Variants in GRHL3 observed in about 807,000 individuals in gnomAD.
GRHL3 encodes grainyhead like transcription factor 3.
GRHL3 carries 20 observed loss-of-function variants against 70.3 expected under a neutral mutation model. That is an observed-to-expected ratio of 0.28 (90% confidence interval 0.20 to 0.41). GRHL3 has a LOEUF of 0.41. Ranked by LOEUF, GRHL3 falls within the 10% of genes least tolerant of loss-of-function variation. The pLI is 1.00. For synonymous variants in GRHL3, 299 were observed against 299.9 expected, an observed-to-expected ratio of 1.00 and a Z score of 0.03; for missense variants, 637 against 762.3, an observed-to-expected ratio of 0.84 and a Z score of 1.94.
At chr1:24,337,237 C>A in intron 5 of GRHL3, 86 bp downstream of exon 5, 1 of 880,908 alleles carries the variant, frequency 1.1e-6, no homozygotes, top group South Asian at 1.6e-5. Flanking sequence ...CAGAGCATAG[C>A]AGGCACAATC....
intron 5 of GRHL3, 149 bp downstream of exon 5, chr1:24,337,300 T>C (rs1267841477): frequency 1.6e-6 from 1 of 631,334 alleles, no homozygotes. Context: ...GACAGAATGA[T>C]TCCCACATCC....
intron 4 of GRHL3, 44 bp downstream of exon 4, chr1:24,336,871 G>A: frequency 7.0e-7 from 1 of 1,437,780 alleles, no homozygotes; most frequent in Non-Finnish European, 9.6e-7. Context: ...ATATGTGTGT[G>A]CATATACAGA....
chr1:24,350,199 C>A, intron 15 of GRHL3, 77 bp downstream of exon 15: 1 of 1,255,500 alleles, frequency 8.0e-7, no homozygotes, highest in Non-Finnish European at 1.1e-6. Context: ...TGTGGAGGGG[C>A]TGAGGGGATG....
chr1:24,325,436 TA>T (rs1451960138), intron 1 of GRHL3, among the ~76,000 whole-genome samples: 10 of 152,366 alleles, frequency 6.6e-5, no homozygotes, highest in Admixed American at 5.9e-4. Flanking sequence ...GTCTGCATCC[TA>T]AATTGCTAGG....
Position 24,332,791 on chromosome 1 carries a change from CTTTG to C in GRHL3, c.204+1184_204+1187del, listed in dbSNP as rs568691481. Among the ~76,000 whole-genome samples the C allele has an allele frequency of 1.2e-4, 18 of 152,330 alleles. No individual in the cohort carries two copies. The South Asian group carries it at 2.1e-3, about 18-fold the overall frequency. On this transcript the variant is annotated intron_variant, in intron 2 of 15. Transcript: ENST00000361548. ...TCTACCTCAAGAATAAAGGCAAATT[CTTTG>C]TTTGAACTGAGAGGCCAAGTGGGTT...
rs1569911426 is a variant in GRHL3 at position 24,346,444 on chromosome 1, C to T, written c.1455-109C>T. The T allele has an allele frequency of 5.7e-6, 4 of 696,884 alleles. No individual in the cohort carries two copies. The Admixed American group carries it at 6.6e-5, about 11-fold the overall frequency. 43.2% of individuals were successfully genotyped at this position (696,884 alleles called of 1,614,324 possible). ...CCACTGTCCCTCTGCTTTGCATCCA[C>T]CCTTGTGTTTTCTTCCCCATTTCTA... On this transcript the variant is annotated intron_variant, in intron 12 of 15. Transcript: ENST00000361548.
At chr1:24,348,146 C>T (rs893881590) in intron 14 of GRHL3, among the ~76,000 whole-genome samples, 2 of 152,180 alleles carry the variant, frequency 1.3e-5, no homozygotes, top group African/African-American at 4.8e-5. Context: ...CTCGGAAAAG[C>T]CAGATGGTGT....
At chr1:24,324,470 A>T (rs1444594032) in intron 1 of GRHL3, among the ~76,000 whole-genome samples, 22 of 152,216 alleles carry the variant, frequency 1.4e-4, no homozygotes, top group Admixed American at 1.4e-3. Context: ...CTACCCCACA[A>T]AGTATTAGTA....
At chr1:24,339,900 G>A (rs147546352) in intron 8 of GRHL3, 138 bp downstream of exon 8, 1 of 529,350 alleles carries the variant, frequency 1.9e-6, no homozygotes, top group Non-Finnish European at 3.3e-6. Context: ...ATGCAGTGTA[G>A]TATGGAAGCT....
At chr1:24,319,624 T>A in intron 1 of GRHL3, 56 bp downstream of exon 1, 1 of 1,613,150 alleles carries the variant, frequency 6.2e-7, no homozygotes, top group Non-Finnish European at 8.5e-7. Context: ...CTGGATGGGG[T>A]TTCCTGGAGG....
At position 24,354,766 on chromosome 1, in the gene GRHL3, C is replaced by T; in HGVS notation, c.*278C>T. ...CAATGTCACCATGGTTACCACCTAC[C>T]CAGAAGACTGTTCCCTCCTCCCAAG... is the stretch of plus-strand genomic sequence containing the variant. On this transcript the variant is annotated 3_prime_UTR_variant, in exon 16 of 16. Coordinates refer to ENST00000361548, the MANE Select transcript of GRHL3 (RefSeq NM_198173.3). The T allele has an allele frequency of 3.1e-6, 1 of 325,526 alleles. No homozygotes were observed. Among genetic ancestry groups the T allele is most frequent in the Non-Finnish European group, 5.8e-6 (1 of 171,690 alleles). The allele number at this position is 325,526 out of a possible 1,614,324, so 20.2% of individuals were successfully genotyped here.
intron 14 of GRHL3, among the ~76,000 whole-genome samples, chr1:24,348,311 G>A (rs574442492): frequency 1.3e-5 from 2 of 152,152 alleles, no homozygotes; most frequent in Non-Finnish European, 2.9e-5. Flanking sequence ...GGTACTATTC[G>A]TATCTCCTCA....
In GRHL3 at chr1:24,334,624, C is replaced by T. The variant is rs1639726799; in HGVS notation, c.205-21C>T. 6.2e-7 allele frequency: 1 copy of T among 1,604,330 alleles called. No individual in the cohort carries two copies. The highest frequency in any genetic ancestry group is 8.5e-7 in the Non-Finnish European group (1 of 1,174,114). On this transcript the variant is annotated intron_variant, in intron 2 of 15. Coordinates refer to ENST00000361548, the MANE Select transcript of GRHL3 (RefSeq NM_198173.3). This position sits in a 1 kb window ranked among gnomAD's most constrained non-coding sequence, Gnocchi z 4.3. ...AGCAGAAGCTTAGCCATGCATAAATCCTTCCTTTCTCTCTTCTCAGGGTCC... is the reference window on the plus strand; with the variant it reads ...AGCAGAAGCTTAGCCATGCATAAATTCTTCCTTTCTCTCTTCTCAGGGTCC...
intron 11 of GRHL3, chr1:24,343,352 CTGTGTG>C: frequency 3.3e-6 from 1 of 306,498 alleles, no homozygotes; most frequent in Non-Finnish European, 6.2e-6. Context: ...GTGGTGCTCA[CTGTGTG>C]CCAGGTGCGG....
intron 12 of GRHL3, among the ~76,000 whole-genome samples, 190 bp downstream of exon 12, chr1:24,345,121 G>A (rs1180301818): frequency 8.1e-4 from 48 of 58,914 alleles, no homozygotes; most frequent in Middle Eastern, 0.024. Context: ...CTTTACACCT[G>A]TGCCCCTCCA....
chr1:24,345,245 C>G (rs1569907643), intron 12 of GRHL3, among the ~76,000 whole-genome samples: 1 of 119,220 alleles, frequency 8.4e-6, no homozygotes, highest in East Asian at 2.6e-4. Flanking sequence ...CCTGTGCCCC[C>G]TCCACACCTG....
Position 24,322,875 on chromosome 1 carries a change from T to A in GRHL3, c.17+3307T>A, listed in dbSNP as rs1348596994. Reference sequence around the variant, plus strand: ...TCTTCTTTAAACCCTCCCAACAAACTAATGCGGGATGGGAGTGTAAATGCA... The same window carrying A: ...TCTTCTTTAAACCCTCCCAACAAACAAATGCGGGATGGGAGTGTAAATGCA... On this transcript the variant is annotated intron_variant, in intron 1 of 15. Transcript: ENST00000361548. The surrounding 1 kb of genome is among the most constrained non-coding windows in gnomAD (Gnocchi z 4.4). Among the ~76,000 whole-genome samples the A allele has an allele frequency of 6.6e-6, 1 of 152,104 alleles. No individual in the cohort carries two copies. The highest frequency in any genetic ancestry group is 1.5e-5 in the Non-Finnish European group (1 of 68,026).
intron 15 of GRHL3, among the ~76,000 whole-genome samples, chr1:24,361,311 T>C (rs1311308778): frequency 6.6e-6 from 1 of 152,146 alleles, no homozygotes. Context: ...GTACTCAGGA[T>C]AGGCCTGGCA....
At chr1:24,335,803 C>T (rs563518841) in intron 3 of GRHL3, among the ~76,000 whole-genome samples, 6 of 152,154 alleles carry the variant, frequency 3.9e-5, no homozygotes, top group South Asian at 4.1e-4. Context: ...AGGATGGTCT[C>T]GATCTCCTGA....
Sources: gnomAD v4.1 joint callset for allele counts (sites outside exome capture counted in the v4.1 genomes callset) on GRCh38, gnomAD v4.1.1 for gene constraint, Gnocchi (gnomAD v3.1) non-coding constraint, MANE v1.5 for transcripts, NCBI Gene and HGNC (gene_info 2026-07-23, HGNC 2026-07-21) for gene names.